The following MNAT1 variants were observed in gnomAD, a reference collection of about 807,000 sequenced individuals.
The protein encoded by MNAT1 is MNAT1 component of CDK activating kinase, also known as CDK-activating kinase assembly factor MAT1.
A neutral mutation model predicts 42.0 loss-of-function variants in MNAT1; 43 were observed. The observed-to-expected ratio is 1.02, with a 90% CI of 0.80 to 1.32. The LOEUF (loss-of-function observed/expected upper bound fraction) is 1.32. Among genes scored for constraint, MNAT1 ranks in the 40% most tolerant of loss-of-function variants. MNAT1 has a pLI of 0.00. For synonymous variants in MNAT1, 118 were observed against 120.0 expected, an observed-to-expected ratio of 0.98 and a Z score of 0.11; for missense variants, 306 against 350.4, an observed-to-expected ratio of 0.87 and a Z score of 1.01.
At chr14:60,770,554 CTTAA>C (rs1386236935) in intron 1 of MNAT1, among the ~76,000 whole-genome samples, 1 of 152,058 alleles carries the variant, frequency 6.6e-6, no homozygotes, top group East Asian at 1.9e-4. Context: ...CACAAGAGTT[CTTAA>C]TTTATATATT....
intron 5 of MNAT1, among the ~76,000 whole-genome samples, chr14:60,813,132 T>C (rs2032605780): frequency 1.3e-5 from 2 of 152,246 alleles, no homozygotes; most frequent in Admixed American, 1.3e-4. Context: ...GGCACTGCCA[T>C]GTTCCCCTTG....
chr14:60,962,113 C>A (rs1225879375), intron 7 of MNAT1, among the ~76,000 whole-genome samples: 1 of 151,818 alleles, frequency 6.6e-6, no homozygotes, highest in East Asian at 1.9e-4. Flanking sequence ...AGTCATTATT[C>A]TGAATAAATT....
chr14:60,863,170 A>T (rs1459126474), intron 6 of MNAT1, among the ~76,000 whole-genome samples: 1 of 152,174 alleles, frequency 6.6e-6, no homozygotes, highest in Non-Finnish European at 1.5e-5. Flanking sequence ...GAAATAAATG[A>T]GAAATAGAAT....
chr14:60,934,781 T>C (rs74480628), intron 7 of MNAT1, among the ~76,000 whole-genome samples: 273 of 152,340 alleles, frequency 1.8e-3, no homozygotes, highest in African/African-American at 6.4e-3. Context: ...TTCTGTCTTT[T>C]TCCTTCCTCT....
intron 7 of MNAT1, among the ~76,000 whole-genome samples, chr14:60,930,014 G>GA (rs1254905310): frequency 6.6e-6 from 1 of 151,796 alleles, no homozygotes; most frequent in Non-Finnish European, 1.5e-5. Context: ...TCAGAGGTCA[G>GA]AAAAATATAA....
intron 7 of MNAT1, among the ~76,000 whole-genome samples, chr14:60,964,601 T>G (rs2036650517): frequency 6.6e-6 from 1 of 152,166 alleles, no homozygotes; most frequent in Non-Finnish European, 1.5e-5. Context: ...AAAACAGGAA[T>G]AGTGTCATGG....
chr14:60,965,226 A>G (rs1051554192), intron 7 of MNAT1, among the ~76,000 whole-genome samples: 1 of 152,260 alleles, frequency 6.6e-6, no homozygotes, highest in African/African-American at 2.4e-5. Context: ...ACAACTTAGC[A>G]TTAATAAGTC....
intron 6 of MNAT1, among the ~76,000 whole-genome samples, chr14:60,855,651 C>G (rs1329364555): frequency 6.6e-6 from 1 of 152,112 alleles, no homozygotes; most frequent in African/African-American, 2.4e-5. Context: ...CTAACCAGTC[C>G]CAGTGAGATG....
chr14:60,794,636 CAAAAAAAAA>C lies in MNAT1; in HGVS notation c.90-1564_90-1556del, dbSNP rs71114156. Among the ~76,000 whole-genome samples the C allele has an allele frequency of 9.4e-5, 9 of 95,394 alleles. No individual in the cohort carries two copies. In the East Asian group the frequency reaches 2.7e-3, roughly 28 times the overall value. 62.6% of individuals were successfully genotyped at this position (95,394 alleles called of 152,430 possible). A position where few individuals can be genotyped will look rare whatever the true frequency, so the allele number is the denominator to read the frequency against. ...AGCTGTGACAACTTCACTGCATTCTCAAAAAAAAAAAAAAAAAAAAAAAAATATATATAT... is the reference window on the plus strand; with the variant it reads ...AGCTGTGACAACTTCACTGCATTCTCAAAAAAAAAAAAAAAATATATATAT... On this transcript the variant is annotated intron_variant, in intron 1 of 7. Coordinates refer to ENST00000261245, the MANE Select transcript of MNAT1 (RefSeq NM_002431.4).
chr14:60,957,869 C>T (rs1187755472), intron 7 of MNAT1, among the ~76,000 whole-genome samples: 2 of 151,886 alleles, frequency 1.3e-5, no homozygotes, highest in East Asian at 1.9e-4. Context: ...TGGCGTTTCA[C>T]TCTTGTTGCC....
chr14:60,819,628 G>A (rs979673743), intron 6 of MNAT1, among the ~76,000 whole-genome samples: 1 of 152,030 alleles, frequency 6.6e-6, no homozygotes, highest in Non-Finnish European at 1.5e-5. Context: ...GGTATCAAAA[G>A]TACCACAAAA....
intron 1 of MNAT1, among the ~76,000 whole-genome samples, chr14:60,761,540 G>T (rs1268299088): frequency 1.3e-5 from 2 of 152,140 alleles, no homozygotes; most frequent in African/African-American, 4.8e-5. Flanking sequence ...TAAGGTAGTA[G>T]CTTAAACTAT....
intron 7 of MNAT1, among the ~76,000 whole-genome samples, chr14:60,915,508 G>C (rs1048015782): frequency 6.6e-6 from 1 of 152,100 alleles, no homozygotes; most frequent in African/African-American, 2.4e-5. Context: ...TCAGCACCTT[G>C]TTCACCTCAT....
intron 3 of MNAT1, among the ~76,000 whole-genome samples, chr14:60,807,313 T>C (rs930296729): frequency 6.6e-6 from 1 of 152,154 alleles, no homozygotes; most frequent in African/African-American, 2.4e-5. Flanking sequence ...TTATAAGCTA[T>C]TAAAGGAAAG....
chr14:60,806,761 G>A (rs1468832151), intron 3 of MNAT1, among the ~76,000 whole-genome samples: 1 of 152,190 alleles, frequency 6.6e-6, no homozygotes, highest in Non-Finnish European at 1.5e-5. Flanking sequence ...GTTGAGGATG[G>A]TGAGAGTTGT....
intron 3 of MNAT1, 113 bp from the exon 4 acceptor site, chr14:60,808,212 G>A: frequency 1.6e-6 from 1 of 611,296 alleles, no homozygotes; most frequent in Non-Finnish European, 2.8e-6. Flanking sequence ...CACAAATAGA[G>A]CTATAAAGAA....
intron 6 of MNAT1, among the ~76,000 whole-genome samples, chr14:60,875,109 C>T (rs1207826838): frequency 1.3e-5 from 2 of 152,000 alleles, no homozygotes; most frequent in Non-Finnish European, 2.9e-5. Flanking sequence ...TTATTTCTCT[C>T]TAAATGTTAT....
Position 60,869,042 on chromosome 14 carries a change from T to TATATATATA in MNAT1, c.688-10672_688-10671insATATATATA, listed in dbSNP as rs1336981892. Among the ~76,000 whole-genome samples the TATATATATA allele has an allele frequency of 9.2e-3, 726 of 78,886 alleles. 2 individuals are homozygous for TATATATATA. Among genetic ancestry groups the TATATATATA allele is most frequent in the Non-Finnish European group, 0.011 (425 of 38,696 alleles). 51.8% of individuals were successfully genotyped at this position (78,886 alleles called of 152,430 possible). A position where few individuals can be genotyped will look rare whatever the true frequency, so the allele number is the denominator to read the frequency against. ...TTTATACATATATATATATATATAT[T>TATATATATA]TTTTTTTTTTTTTTTGAGACGGAGT... On this transcript the variant is annotated intron_variant, in intron 6 of 7. Transcript: ENST00000261245.
At chr14:60,871,934 T>C (rs1327593747) in intron 6 of MNAT1, among the ~76,000 whole-genome samples, 1 of 152,192 alleles carries the variant, frequency 6.6e-6, no homozygotes, top group African/African-American at 2.4e-5. Flanking sequence ...CTAAGAATTC[T>C]TTATAGGTAG....
Sources: allele counts gnomAD v4.1 joint callset (sites outside exome capture counted in the v4.1 genomes callset), GRCh38; gene constraint gnomAD v4.1.1; transcripts MANE v1.5; gene names NCBI Gene and HGNC (gene_info 2026-07-23, HGNC 2026-07-21).